The following ANKFN1 variants were observed in gnomAD, a reference collection of about 807,000 sequenced individuals.
The protein encoded by ANKFN1 is ankyrin repeat and fibronectin type-III domain-containing protein 1.
In ANKFN1, 74 loss-of-function variants were observed where a neutral mutation model predicts 108.7. The observed-to-expected ratio is 0.68, with a 90% CI of 0.56 to 0.83. ANKFN1 has a LOEUF of 0.83. Among genes scored for constraint, ANKFN1 ranks in the 40% least tolerant of loss-of-function variants. The probability of loss-of-function intolerance (pLI) is 0.00; values close to 1 mark genes in which losing one functional copy is unlikely to be tolerated. For synonymous variants in ANKFN1, 547 were observed against 516.2 expected, an observed-to-expected ratio of 1.06 and a Z score of -0.81; for missense variants, 1,505 against 1,382.3, an observed-to-expected ratio of 1.09 and a Z score of -1.41.
At chr17:56,099,267 C>A (rs567389313) in intron 4 of ANKFN1, among the ~76,000 whole-genome samples, 1 of 152,312 alleles carries the variant, frequency 6.6e-6, no homozygotes, top group African/African-American at 2.4e-5. Flanking sequence ...GATCAGATCA[C>A]AAGTTACTTC....
intron 4 of ANKFN1, among the ~76,000 whole-genome samples, chr17:56,066,791 A>G (rs1018390374): frequency 2.0e-5 from 3 of 151,732 alleles, no homozygotes; most frequent in African/African-American, 7.3e-5. Context: ...GAATTTCACT[A>G]CTCTACATGC....
intron 1 of ANKFN1, among the ~76,000 whole-genome samples, chr17:56,195,535 A>G (rs1484587519): frequency 6.6e-6 from 1 of 152,110 alleles, no homozygotes; most frequent in Non-Finnish European, 1.5e-5. Flanking sequence ...ATTGTCTCTA[A>G]CCCTGGTGTC....
intron 1 of ANKFN1, among the ~76,000 whole-genome samples, chr17:56,204,861 G>T (rs1333121885): frequency 6.6e-6 from 1 of 152,012 alleles, no homozygotes; most frequent in Non-Finnish European, 1.5e-5. Context: ...GGATCACGAG[G>T]TCAGGAGATC....
In ANKFN1 at chr17:56,419,154, C is replaced by T. The variant is rs1040476789; in HGVS notation, c.911-21173C>T. Among the ~76,000 whole-genome samples, 4 of 152,350 alleles carry T rather than the reference C, an allele frequency of 2.6e-5. No individual in the cohort carries two copies. The Middle Eastern group carries it at 0.01, about 389-fold the overall frequency. On this transcript the variant is annotated intron_variant, in intron 8 of 20. Coordinates refer to ENST00000682825, the MANE Select transcript of ANKFN1 (RefSeq NM_001370326.1). ...TCAGTGGATAGGAGCAGCCCACTGG[C>T]CTTTCTTCTCCATGGCCCTGCCATG...
intron 4 of ANKFN1, among the ~76,000 whole-genome samples, chr17:56,138,918 C>T (rs1018819915): frequency 6.6e-6 from 1 of 151,994 alleles, no homozygotes; most frequent in Admixed American, 6.6e-5. Context: ...TGAGGGAGAA[C>T]AATTAAGCAC....
intron 4 of ANKFN1, among the ~76,000 whole-genome samples, chr17:56,096,495 G>C (rs919965932): frequency 6.6e-6 from 1 of 152,094 alleles, no homozygotes; most frequent in African/African-American, 2.4e-5. Flanking sequence ...CTAACCCAAG[G>C]GTAGTATGTT....
chr17:56,386,580 GTTTTT>G (rs57390170), intron 8 of ANKFN1, among the ~76,000 whole-genome samples: 7 of 109,976 alleles, frequency 6.4e-5, no homozygotes, highest in South Asian at 2.9e-4. Context: ...CATCTCATGA[GTTTTT>G]TTTTTTTTTT....
At chr17:56,306,294 A>G (rs1017908278) in intron 3 of ANKFN1, among the ~76,000 whole-genome samples, 3 of 152,226 alleles carry the variant, frequency 2.0e-5, no homozygotes, top group Admixed American at 6.5e-5. Flanking sequence ...TGAACACAGT[A>G]TGTCGTTCTA....
At chr17:56,345,071 GTGTGATGCTTCTCTCCC>G (rs1408256909) in intron 4 of ANKFN1, among the ~76,000 whole-genome samples, 4 of 151,960 alleles carry the variant, frequency 2.6e-5, no homozygotes, top group African/African-American at 9.7e-5. Flanking sequence ...AGACCCCAGT[GTGTGATGCTTCTCTCCC>G]TGTGCCCATG....
At chr17:56,105,482 C>T (rs1418371260) in intron 4 of ANKFN1, among the ~76,000 whole-genome samples, 1 of 152,032 alleles carries the variant, frequency 6.6e-6, no homozygotes, top group East Asian at 1.9e-4. Context: ...TCCTTCCATC[C>T]TTCCTTTGTA....
At chr17:56,492,386 G>A (rs1173762195) in intron 19 of ANKFN1, 33 bp downstream of exon 19, 2 of 694,010 alleles carry the variant, frequency 2.9e-6, no homozygotes, top group African/African-American at 1.8e-5. Context: ...GTAAAAGGAA[G>A]GGAGAAGAGG....
intron 4 of ANKFN1, among the ~76,000 whole-genome samples, chr17:56,077,199 T>C (rs1905191337): frequency 6.6e-6 from 1 of 152,186 alleles, no homozygotes. Context: ...TACTTCTTCA[T>C]CTAGAATAGA....
chr17:56,227,958 G>GT lies in ANKFN1; in HGVS notation c.53+2dup, dbSNP rs771531702. 1.2e-6 allele frequency: 2 copies of GT among 1,605,504 alleles called. No homozygotes were observed. The highest frequency in any genetic ancestry group is 2.2e-5 in the East Asian group (1 of 44,672). ...ACAGGCATTTTACTTGCAGCAAAAT[G>GT]TAAGTACATTTCCTCCTTGAAATGG... On this transcript the variant is annotated splice_donor_variant, in intron 3 of 20. Coordinates refer to ENST00000682825, the MANE Select transcript of ANKFN1 (RefSeq NM_001370326.1). LOFTEE classifies it high-confidence loss of function.
At chr17:56,275,707 A>C (rs548261295) in intron 3 of ANKFN1, among the ~76,000 whole-genome samples, 1 of 152,170 alleles carries the variant, frequency 6.6e-6, no homozygotes, top group Non-Finnish European at 1.5e-5. Context: ...TCTTGAAAAC[A>C]TTGGGGAGCA....
In ANKFN1 at chr17:56,059,746, T is replaced by G. The variant is rs1458681006; in HGVS notation, c.288+13421T>G. ...TTTGTTGAAGATCACATGTTGTAGA[T>G]GTGTGGTTTTCTGAGGTCTCTATTT... On this transcript the variant is annotated intron_variant, in intron 4 of 12. Coordinates refer to the ANKFN1 transcript ENST00000635860. 3.3e-5 allele frequency among the ~76,000 whole-genome samples: 5 copies of G among 152,086 alleles called. No homozygotes were observed. The East Asian group carries it at 9.6e-4, about 29-fold the overall frequency.
intron 1 of ANKFN1, among the ~76,000 whole-genome samples, chr17:56,173,582 C>T (rs544620901): frequency 1.3e-5 from 2 of 152,190 alleles, no homozygotes; most frequent in South Asian, 4.2e-4. Flanking sequence ...CCCAGCCTTC[C>T]AAGTAGCTGA....
intron 8 of ANKFN1, among the ~76,000 whole-genome samples, chr17:56,421,642 A>G (rs1305538478): frequency 6.6e-6 from 1 of 152,208 alleles, no homozygotes; most frequent in Non-Finnish European, 1.5e-5. Flanking sequence ...ACACTCAGAA[A>G]CCAAGCTTTA....
chr17:56,087,859 T>C (rs1251982293), intron 4 of ANKFN1, among the ~76,000 whole-genome samples: 1 of 151,418 alleles, frequency 6.6e-6, no homozygotes. Context: ...AGAGCCTGTA[T>C]GGCCTACAAA....
chr17:56,401,325 AGTATTGTATTGTATT>A (rs1176791583), intron 8 of ANKFN1, among the ~76,000 whole-genome samples: 5 of 143,412 alleles, frequency 3.5e-5, no homozygotes, highest in Admixed American at 1.4e-4. Flanking sequence ...TACATTCCGA[AGTATTGTATTGTATT>A]GTATTGTATT....
Sources: allele counts gnomAD v4.1 joint callset (sites outside exome capture counted in the v4.1 genomes callset), GRCh38; gene constraint gnomAD v4.1.1; transcripts MANE v1.5; gene names NCBI Gene and HGNC (gene_info 2026-07-23, HGNC 2026-07-21).